DACH1: variants seen among roughly 807,000 people sequenced by gnomAD.
The protein encoded by DACH1 is dachshund family transcription factor 1.
A neutral mutation model predicts 54.2 loss-of-function variants in DACH1; 12 were observed. The ratio of observed to expected loss-of-function variants is 0.22; its 90% confidence interval spans 0.14 to 0.36. The LOEUF (loss-of-function observed/expected upper bound fraction) is 0.36, where lower values mean the gene tolerates loss of function less well. DACH1 is among the 10% of genes least tolerant of loss of function. The pLI is 1.00. For synonymous variants in DACH1, 386 were observed against 366.2 expected, an observed-to-expected ratio of 1.05 and a Z score of -0.62; for missense variants, 805 against 929.8, an observed-to-expected ratio of 0.87 and a Z score of 1.75.
chr13:71,709,329 T>C (rs949091089), intron 1 of DACH1, among the ~76,000 whole-genome samples: 1 of 152,144 alleles, frequency 6.6e-6, no homozygotes, highest in Non-Finnish European at 1.5e-5. Flanking sequence ...CAATTACCCC[T>C]GCCAACCACA....
At chr13:71,533,768 A>C (rs1882574773) in intron 6 of DACH1, among the ~76,000 whole-genome samples, 1 of 149,088 alleles carries the variant, frequency 6.7e-6, no homozygotes, top group African/African-American at 2.6e-5. Flanking sequence ...TCACACACAC[A>C]AACACACACA....
At chr13:71,736,888 G>T (rs954424787) in intron 1 of DACH1, among the ~76,000 whole-genome samples, 5 of 152,184 alleles carry the variant, frequency 3.3e-5, no homozygotes, top group Non-Finnish European at 7.3e-5. Flanking sequence ...TCTTCTTAGA[G>T]AGTAAATAGA....
In DACH1 at chr13:71,541,934, T is replaced by G. The variant is rs977165891; in HGVS notation, c.1570+15090A>C. Among the ~76,000 whole-genome samples, 4 of 149,340 alleles carry G rather than the reference T, an allele frequency of 2.7e-5. No homozygotes were observed. In the East Asian group the frequency reaches 5.9e-4, roughly 22 times the overall value. On this transcript the variant is annotated intron_variant, in intron 6 of 10. Transcript: ENST00000613252. Reference sequence around the variant, plus strand: ...CACTGATATTTGCCCAGTTTTTTTTTTTTTTTTTTTTTTTCATCTTCACAA... The same window carrying G: ...CACTGATATTTGCCCAGTTTTTTTTGTTTTTTTTTTTTTTCATCTTCACAA...
At chr13:71,726,665 G>C (rs1398345581) in intron 1 of DACH1, among the ~76,000 whole-genome samples, 3 of 151,838 alleles carry the variant, frequency 2.0e-5, no homozygotes, top group East Asian at 1.9e-4. Context: ...TAAATATCAT[G>C]TATAAAATAG....
At chr13:71,655,956 T>C (rs149066071) in intron 2 of DACH1, among the ~76,000 whole-genome samples, 1 of 152,320 alleles carries the variant, frequency 6.6e-6, no homozygotes, top group East Asian at 1.9e-4. Flanking sequence ...TTATGAAGCA[T>C]ATAAAAAAGA....
chr13:71,615,579 A>C (rs922264715), intron 3 of DACH1, among the ~76,000 whole-genome samples: 1 of 152,184 alleles, frequency 6.6e-6, no homozygotes, highest in African/African-American at 2.4e-5. Flanking sequence ...CTTTTTAAAA[A>C]GTGTAGCAAT....
chr13:71,814,376 C>T (rs1181006676), intron 1 of DACH1, among the ~76,000 whole-genome samples: 3 of 152,180 alleles, frequency 2.0e-5, no homozygotes, highest in African/African-American at 7.2e-5. Context: ...TCTTCCTTCA[C>T]ATAATTTACT....
intron 6 of DACH1, among the ~76,000 whole-genome samples, chr13:71,504,831 C>G (rs916794694): frequency 3.3e-5 from 5 of 152,018 alleles, no homozygotes; most frequent in African/African-American, 1.2e-4. Context: ...TATTGTTTGT[C>G]TTCTTCAATT....
chr13:71,505,082 C>T (rs1880205923), intron 6 of DACH1, among the ~76,000 whole-genome samples: 1 of 151,612 alleles, frequency 6.6e-6, no homozygotes, highest in Admixed American at 6.6e-5. Flanking sequence ...TCCTTCCTTC[C>T]TTCCTTCCTT....
At chr13:71,822,720 G>A (rs544024756) in intron 1 of DACH1, among the ~76,000 whole-genome samples, 45 of 152,238 alleles carry the variant, frequency 3.0e-4, no homozygotes, top group African/African-American at 1.0e-3. Flanking sequence ...AGGTTAAAAC[G>A]TAAGGGTTTT....
At chr13:71,765,399 A>G (rs1022862451) in intron 1 of DACH1, among the ~76,000 whole-genome samples, 2 of 152,052 alleles carry the variant, frequency 1.3e-5, no homozygotes, top group African/African-American at 4.8e-5. Flanking sequence ...TTTATTTTCC[A>G]CAGGGACTGT....
At chr13:71,547,302 T>C (rs1022234179) in intron 6 of DACH1, among the ~76,000 whole-genome samples, 2 of 152,104 alleles carry the variant, frequency 1.3e-5, no homozygotes, top group Admixed American at 6.6e-5. Flanking sequence ...TTTGAGAGGC[T>C]TGAATTCTAA....
intron 6 of DACH1, among the ~76,000 whole-genome samples, chr13:71,543,764 A>G (rs1292763705): frequency 6.6e-6 from 1 of 152,154 alleles, no homozygotes; most frequent in Non-Finnish European, 1.5e-5. Context: ...ACAATACTTA[A>G]TTTATGACAT....
chr13:71,509,965 A>T (rs1280409539), intron 6 of DACH1, among the ~76,000 whole-genome samples: 3 of 152,082 alleles, frequency 2.0e-5, no homozygotes, highest in Non-Finnish European at 4.4e-5. Flanking sequence ...TCTCTAGTAT[A>T]ACTACTTTTA....
intron 10 of DACH1, among the ~76,000 whole-genome samples, chr13:71,462,871 TACACACACACACAC>T (rs374818301): frequency 2.9e-5 from 3 of 102,792 alleles, no homozygotes; most frequent in African/African-American, 6.0e-5. Context: ...TCTATCTATC[TACACACACACACAC>T]ACACACACAC....
chr13:71,487,852 T>C (rs775467095), intron 7 of DACH1, among the ~76,000 whole-genome samples: 8 of 152,182 alleles, frequency 5.3e-5, no homozygotes, highest in Non-Finnish European at 1.0e-4. Flanking sequence ...AAAAGCACTA[T>C]CTTATAATAA....
At chr13:71,700,181 G>A (rs982913059) in intron 1 of DACH1, among the ~76,000 whole-genome samples, 5 of 152,086 alleles carry the variant, frequency 3.3e-5, no homozygotes, top group Admixed American at 6.5e-5. Context: ...AATGGAGCTA[G>A]CAAATGCATT....
At chr13:71,750,428 T>C (rs1884874717) in intron 1 of DACH1, among the ~76,000 whole-genome samples, 1 of 152,178 alleles carries the variant, frequency 6.6e-6, no homozygotes, top group South Asian at 2.1e-4. Flanking sequence ...GAATTAAGGG[T>C]CTAACAAAAA....
intron 1 of DACH1, among the ~76,000 whole-genome samples, chr13:71,768,626 C>G (rs1885733095): frequency 6.6e-6 from 1 of 151,858 alleles, no homozygotes; most frequent in South Asian, 2.1e-4. Flanking sequence ...TTTTTCTTCT[C>G]TAATTCAAAA....
Sources: allele counts gnomAD v4.1 joint callset (sites outside exome capture counted in the v4.1 genomes callset), GRCh38; gene constraint gnomAD v4.1.1; transcripts MANE v1.5; gene names NCBI Gene and HGNC (gene_info 2026-07-23, HGNC 2026-07-21).